ERBB4: variants seen among roughly 807,000 people sequenced by gnomAD.
ERBB4 encodes the protein erb-b2 receptor tyrosine kinase 4, also known as receptor tyrosine-protein kinase erbB-4.
Under a neutral mutation model 158.0 loss-of-function variants are expected in ERBB4, and 42 were observed. That is an observed-to-expected ratio of 0.27 (90% CI 0.21 to 0.34). The LOEUF is 0.34. Among genes scored for constraint, ERBB4 ranks in the 10% least tolerant of loss-of-function variants. The pLI is 1.00. For missense variants in ERBB4, 1,333 were observed against 1,624.1 expected, an observed-to-expected ratio of 0.82 and a Z score of 3.08; for synonymous variants, 583 against 558.7, an observed-to-expected ratio of 1.04 and a Z score of -0.61.
chr2:212,108,727 T>C (rs75562456), intron 2 of ERBB4, among the ~76,000 whole-genome samples: 1 of 150,934 alleles, frequency 6.6e-6, no homozygotes, highest in African/African-American at 2.4e-5. Flanking sequence ...TTTTTTTTTT[T>C]TCAGAACCAA....
intron 12 of ERBB4, among the ~76,000 whole-genome samples, chr2:211,680,518 C>T (rs1182684754): frequency 6.6e-6 from 1 of 152,044 alleles, no homozygotes; most frequent in African/African-American, 2.4e-5. Flanking sequence ...AGAACATTTG[C>T]GAGGTGGGTT....
chr2:211,769,965 T>G (rs942694220), intron 4 of ERBB4, among the ~76,000 whole-genome samples: 2 of 152,184 alleles, frequency 1.3e-5, no homozygotes, highest in Non-Finnish European at 2.9e-5. Context: ...CCAGGAAAAA[T>G]ACTTCGTATC....
At position 212,233,622 on chromosome 2, in the gene ERBB4, T is replaced by C. The variant is rs149878307; in HGVS notation, c.83-108719A>G. On this transcript the variant is annotated intron_variant, in intron 1 of 27. Coordinates refer to ENST00000342788, the MANE Select transcript of ERBB4 (RefSeq NM_005235.3). ...GTTTATATTTACTTTTATTAAACAC[T>C]CAATTTCTGTTGACTTCTTTTTAAA... Among the ~76,000 whole-genome samples the C allele has an allele frequency of 4.3e-3, 650 of 152,282 alleles. 1 individual carries two copies. Among genetic ancestry groups the C allele is most frequent in the Non-Finnish European group, 7.1e-3 (482 of 68,000 alleles).
At chr2:212,041,741 C>T (rs558951487) in intron 2 of ERBB4, among the ~76,000 whole-genome samples, 2 of 152,036 alleles carry the variant, frequency 1.3e-5, no homozygotes, top group Admixed American at 1.3e-4. Flanking sequence ...TCAAAGACGT[C>T]TCTGGAGTGT....
intron 16 of ERBB4, among the ~76,000 whole-genome samples, chr2:211,632,684 C>T (rs891787801): frequency 6.6e-6 from 1 of 152,004 alleles, no homozygotes; most frequent in Non-Finnish European, 1.5e-5. Flanking sequence ...ACTAATACCT[C>T]TCTTTTTTCT....
At chr2:212,379,677 TATC>T (rs1285628901) in intron 1 of ERBB4, among the ~76,000 whole-genome samples, 1 of 151,516 alleles carries the variant, frequency 6.6e-6, no homozygotes, top group Non-Finnish European at 1.5e-5. Context: ...AAGTGGAAAT[TATC>T]ATAACAAAAT....
chr2:211,888,843 G>A (rs1338169770), intron 3 of ERBB4, among the ~76,000 whole-genome samples: 1 of 151,600 alleles, frequency 6.6e-6, no homozygotes, highest in African/African-American at 2.4e-5. Context: ...TTTCAGACCG[G>A]CTTAAAAAAC....
intron 1 of ERBB4, among the ~76,000 whole-genome samples, chr2:212,218,628 A>G (rs1398592325): frequency 5.3e-5 from 8 of 151,404 alleles, no homozygotes; most frequent in Admixed American, 6.6e-5. Context: ...AGAGATTGCC[A>G]TTCCATTTTA....
chr2:211,682,357 TTTTTA>T (rs2072382607), intron 12 of ERBB4, among the ~76,000 whole-genome samples: 1 of 152,158 alleles, frequency 6.6e-6, no homozygotes, highest in South Asian at 2.1e-4. Flanking sequence ...TTCTTTCAAC[TTTTTA>T]TTTTATTTGG....
chr2:211,664,715 C>G (rs569130256), intron 15 of ERBB4, among the ~76,000 whole-genome samples: 1 of 152,108 alleles, frequency 6.6e-6, no homozygotes, highest in Non-Finnish European at 1.5e-5. Flanking sequence ...AAAAATTTAC[C>G]AAGCTTCAGA....
chr2:212,447,027 C>T (rs1176766645), intron 1 of ERBB4, among the ~76,000 whole-genome samples: 1 of 148,788 alleles, frequency 6.7e-6, no homozygotes, highest in African/African-American at 2.5e-5. Flanking sequence ...GACGGAGTCT[C>T]GCTGTGTCAC....
chr2:212,316,125 G>A (rs890494569), intron 1 of ERBB4, among the ~76,000 whole-genome samples: 1 of 151,350 alleles, frequency 6.6e-6, no homozygotes, highest in African/African-American at 2.4e-5. Flanking sequence ...GAAAACTATC[G>A]ATGATTCACA....
chr2:211,427,206 T>C (rs1405021154), intron 22 of ERBB4, among the ~76,000 whole-genome samples: 1 of 143,422 alleles, frequency 7.0e-6, no homozygotes, highest in Non-Finnish European at 1.6e-5. Context: ...AGTGATTGAA[T>C]GGTTTATATC....
chr2:212,166,605 A>G (rs13030300), intron 1 of ERBB4, among the ~76,000 whole-genome samples: 91,503 of 150,860 alleles, frequency 0.61, 28,884 homozygotes, highest in African/African-American at 0.68. Flanking sequence ...TAAATTTCAT[A>G]TGGAATCAAA....
chr2:212,335,064 A>T (rs2088363816), intron 1 of ERBB4, among the ~76,000 whole-genome samples: 1 of 151,976 alleles, frequency 6.6e-6, no homozygotes, highest in Admixed American at 6.6e-5. Context: ...ACATTTTTGA[A>T]TCCTGAATGA....
rs1185105524 is a variant in ERBB4, at chr2:211,992,565, GA to G, written c.235-44950del. ...ACAGTGAGAGAGAGAGAGAGAGAGAGAGAAAAAAAAAAAAAACATGAGTTTG... is the reference window on the plus strand; with the variant it reads ...ACAGTGAGAGAGAGAGAGAGAGAGAGGAAAAAAAAAAAAAACATGAGTTTG... On this transcript the variant is annotated intron_variant, in intron 2 of 27. Transcript: ENST00000342788. Among the ~76,000 whole-genome samples, 750 of 122,536 alleles carry G rather than the reference GA, an allele frequency of 6.1e-3. 9 individuals are homozygous for G. The highest frequency in any genetic ancestry group is 0.022 in the Middle Eastern group (5 of 232). 80.4% of individuals were successfully genotyped at this position (122,536 alleles called of 152,430 possible). A position where few individuals can be genotyped will look rare whatever the true frequency, so the allele number is the denominator to read the frequency against.
At chr2:211,836,697 A>G (rs2077350546) in intron 3 of ERBB4, among the ~76,000 whole-genome samples, 1 of 152,094 alleles carries the variant, frequency 6.6e-6, no homozygotes, top group East Asian at 1.9e-4. Context: ...CAATCTTGCA[A>G]GCAAGCCCTT....
chr2:212,102,229 G>A (rs1012611284), intron 2 of ERBB4, among the ~76,000 whole-genome samples: 2 of 150,750 alleles, frequency 1.3e-5, no homozygotes, highest in Non-Finnish European at 3.0e-5. Flanking sequence ...GTTCAAAGCT[G>A]GTTTGCCTTT....
chr2:211,562,769 C>CTTTTTT (rs367801279), intron 19 of ERBB4, among the ~76,000 whole-genome samples: 3,818 of 125,536 alleles, frequency 0.03, 493 homozygotes, highest in African/African-American at 0.13. Flanking sequence ...ACTACTCCAA[C>CTTTTTT]TTTTTTTTTT....
Sources: allele counts gnomAD v4.1 joint callset (sites outside exome capture counted in the v4.1 genomes callset), GRCh38; gene constraint gnomAD v4.1.1; transcripts MANE v1.5; gene names NCBI Gene and HGNC (gene_info 2026-07-23, HGNC 2026-07-21).